Variants in SHROOM3 observed in about 807,000 individuals in gnomAD.
SHROOM3 encodes shroom family member 3.
In SHROOM3, 47 loss-of-function variants were observed where a neutral mutation model predicts 138.6. That is an observed-to-expected ratio of 0.34 (90% CI 0.27 to 0.43). SHROOM3 has a LOEUF of 0.43. Ranked by LOEUF, SHROOM3 falls within the 20% of genes least tolerant of loss-of-function variation. SHROOM3 has a pLI of 1.00. For synonymous variants in SHROOM3, 1,062 were observed against 1,063.3 expected (o/e 1.00, Z 0.02); for missense variants, 2,491 against 2,596.5 (o/e 0.96, Z 0.88).
intron 1 of SHROOM3, among the ~76,000 whole-genome samples, chr4:76,537,648 G>A (rs1733008196): frequency 6.6e-6 from 1 of 152,074 alleles, no homozygotes; most frequent in Non-Finnish European, 1.5e-5. Flanking sequence ...TTTGCTGATG[G>A]GTTCAATATA....
intron 2 of SHROOM3, among the ~76,000 whole-genome samples, chr4:76,678,920 C>G (rs556837722): frequency 6.6e-6 from 1 of 152,206 alleles, no homozygotes; most frequent in African/African-American, 2.4e-5. Context: ...CCTCGGCCTC[C>G]CAAAGTGCTG....
intron 2 of SHROOM3, among the ~76,000 whole-genome samples, chr4:76,575,266 A>T (rs1038205519): frequency 6.6e-6 from 1 of 152,214 alleles, no homozygotes; most frequent in Admixed American, 6.5e-5. Flanking sequence ...TGGGAAAAAA[A>T]TTGAAAGCCT....
At chr4:76,661,360 G>A (rs1736181290) in intron 2 of SHROOM3, among the ~76,000 whole-genome samples, 1 of 152,046 alleles carries the variant, frequency 6.6e-6, no homozygotes, top group African/African-American at 2.4e-5. Context: ...CTACCAAGTA[G>A]CTGGGAATAC....
At chr4:76,777,555 G>C in intron 10 of SHROOM3, among the ~76,000 whole-genome samples, 1 of 152,008 alleles carries the variant, frequency 6.6e-6, no homozygotes, top group East Asian at 1.9e-4. Flanking sequence ...CAACAGTTTG[G>C]CTTCCTCTTT....
rs781221843 is a variant in SHROOM3, at chr4:76,756,607, A to C, written c.4868A>C (p.Gln1623Pro). ...CCCTCCTTCATGAGCGTTCACGCCCAACTTGCTGGGTCTCTTGGTGGGCAG... is the reference window on the plus strand; with the variant it reads ...CCCTCCTTCATGAGCGTTCACGCCCCACTTGCTGGGTCTCTTGGTGGGCAG... ...TPPSFMSVHAQLAGSLGGQPA... is the reference protein window; with the variant it reads ...TPPSFMSVHAPLAGSLGGQPA... Residue 1623 changes from glutamine (Q) to proline (P), a missense_variant, in exon 8 of 11, where the codon CAA (glutamine) becomes CCA (proline). Physicochemically the swap from Gln to Pro is moderately conservative, Grantham distance 76. This residue lies in a region of SHROOM3 where 470 missense variants were observed against 595.0 expected (regional missense o/e 0.79). Coordinates refer to ENST00000296043, the MANE Select transcript of SHROOM3 (RefSeq NM_020859.4). 3 of 1,612,848 alleles carry C rather than the reference A, an allele frequency of 1.9e-6. No individual in the cohort carries two copies. Among genetic ancestry groups the C allele is most frequent in the Non-Finnish European group, 1.7e-6 (2 of 1,179,730 alleles).
intron 1 of SHROOM3, among the ~76,000 whole-genome samples, chr4:76,507,665 A>G (rs1006602672): frequency 4.0e-5 from 6 of 151,522 alleles, no homozygotes; most frequent in Admixed American, 2.0e-4. Context: ...GCCCCTCCCG[A>G]GTAGCTGGGA....
At position 76,741,081 on chromosome 4, in the gene SHROOM3, A is replaced by G. The variant is rs1329148054; in HGVS notation, c.2908A>G (p.Ser970Gly). The part of the protein sequence containing the change: ...RPSSAHVGLR[S>G]PEASASASPH... ...TTCCTCGGCCCACGTGGGGCTGCGG[A>G]GCCCCGAGGCGTCGGCCTCCGCCTC... Residue 970 changes from serine to glycine, a missense_variant, in exon 5 of 11, where the codon AGC (serine) becomes GGC (glycine). Transcript: ENST00000296043. This position sits in a 1 kb window ranked among gnomAD's most constrained non-coding sequence, Gnocchi z 6.2. The G allele has an allele frequency of 2.5e-5, 38 of 1,536,484 alleles. No individual in the cohort carries two copies. Among genetic ancestry groups the G allele is most frequent in the Non-Finnish European group, 3.2e-5 (36 of 1,142,200 alleles).
intron 3 of SHROOM3, among the ~76,000 whole-genome samples, chr4:76,720,601 C>G (rs1720514641): frequency 6.6e-6 from 1 of 151,466 alleles, no homozygotes; most frequent in Non-Finnish European, 1.5e-5. Context: ...ATAATCTCTC[C>G]CTGAATTCTT....
At chr4:76,691,133 C>T (rs1055673236) in intron 2 of SHROOM3, among the ~76,000 whole-genome samples, 5 of 152,142 alleles carry the variant, frequency 3.3e-5, no homozygotes, top group Non-Finnish European at 7.3e-5. Context: ...TGGCTTGGCT[C>T]ATATGGTTAA....
chr4:76,769,346 AAAGT>A (rs1158490048), intron 9 of SHROOM3, among the ~76,000 whole-genome samples: 1 of 152,044 alleles, frequency 6.6e-6, no homozygotes, highest in Non-Finnish European at 1.5e-5. Context: ...TAAAAAAAAA[AAAGT>A]AAGTTTTAAC....
chr4:76,674,483 T>C (rs886420956), intron 2 of SHROOM3, among the ~76,000 whole-genome samples: 9 of 151,924 alleles, frequency 5.9e-5, no homozygotes, highest in Non-Finnish European at 1.0e-4. Flanking sequence ...AATCCTTTTT[T>C]CCTAGATCAT....
At chr4:76,734,473 C>T (rs985385608) in intron 4 of SHROOM3, among the ~76,000 whole-genome samples, 1 of 151,542 alleles carries the variant, frequency 6.6e-6, no homozygotes, top group Admixed American at 6.6e-5. Flanking sequence ...TGTTTTCATA[C>T]ACTTATTTTG....
intron 2 of SHROOM3, among the ~76,000 whole-genome samples, chr4:76,678,999 T>C (rs766046208): frequency 6.6e-6 from 1 of 152,222 alleles, no homozygotes; most frequent in Non-Finnish European, 1.5e-5. Context: ...GTTTTGTTGT[T>C]GATGTTTTTT....
chr4:76,738,625 A>G (rs1219110063), intron 4 of SHROOM3, 136 bp from the exon 5 acceptor site: 2 of 985,248 alleles, frequency 2.0e-6, no homozygotes, highest in Non-Finnish European at 3.1e-6. Context: ...GCAAGGCCCA[A>G]ATATGGCCCT....
intron 2 of SHROOM3, among the ~76,000 whole-genome samples, chr4:76,608,587 T>TTGG (rs1734678585): frequency 2.0e-5 from 2 of 102,174 alleles, no homozygotes; most frequent in African/African-American, 6.8e-5. Flanking sequence ...TAGCATAGCA[T>TTGG]AGCATAGCAT....
chr4:76,756,414 TC>T, intron 7 of SHROOM3, 34 bp from the exon 8 acceptor site: 11 of 1,524,532 alleles, frequency 7.2e-6, no homozygotes, highest in Non-Finnish European at 9.8e-6. Context: ...TTTCTCTCTC[TC>T]TCTTTTTTTT....
chr4:76,747,097 C>T (rs1477039163), intron 5 of SHROOM3, among the ~76,000 whole-genome samples: 2 of 152,054 alleles, frequency 1.3e-5, no homozygotes, highest in East Asian at 1.9e-4. Flanking sequence ...GGATCACAGG[C>T]GTGAGCCACC....
chr4:76,775,956 T>C (rs1161335143), intron 10 of SHROOM3, among the ~76,000 whole-genome samples: 1 of 151,972 alleles, frequency 6.6e-6, no homozygotes, highest in African/African-American at 2.4e-5. Context: ...AAGTTTCTTT[T>C]CCATATAATT....
chr4:76,583,364 T>C (rs1056809715), intron 2 of SHROOM3, among the ~76,000 whole-genome samples: 2 of 152,250 alleles, frequency 1.3e-5, no homozygotes, highest in South Asian at 2.1e-4. Context: ...CCTCAGGTCA[T>C]GATGAAGGTA....
Sources: gnomAD v4.1 joint callset for allele counts (sites outside exome capture counted in the v4.1 genomes callset) on GRCh38, gnomAD v4.1.1 for gene constraint, gnomAD v4.1.1 regional missense constraint, Gnocchi (gnomAD v3.1) non-coding constraint, MANE v1.5 for transcripts, NCBI Gene and HGNC (gene_info 2026-07-23, HGNC 2026-07-21) for gene names.